The following LRRN4 variants were observed in gnomAD, a reference collection of about 807,000 sequenced individuals.
LRRN4 encodes leucine rich repeat neuronal 4, also known as leucine-rich repeat neuronal protein 4.
A neutral mutation model predicts 22.3 loss-of-function variants in LRRN4; 26 were observed. That is an observed-to-expected ratio of 1.16 (90% CI 0.85 to 1.62). The LOEUF is 1.62. Among genes scored for constraint, LRRN4 ranks in the 40% most tolerant of loss-of-function variants. The pLI is 0.00. For synonymous variants in LRRN4, 496 were observed against 486.2 expected (o/e 1.02, Z -0.26); for missense variants, 1,070 against 1,008.5 (o/e 1.06, Z -0.83).
chr20:6,040,912 T>C lies in LRRN4; in HGVS notation c.*110A>G. 2.7e-6 allele frequency: 4 copies of C among 1,464,930 alleles called. No homozygotes were observed. Among genetic ancestry groups the C allele is most frequent in the Non-Finnish European group, 1.8e-6 (2 of 1,084,192 alleles). The allele number at this position is 1,464,930 out of a possible 1,614,324, so 90.7% of individuals were successfully genotyped here. A position where few individuals can be genotyped will look rare whatever the true frequency, so the allele number is the denominator to read the frequency against. On this transcript the variant is annotated 3_prime_UTR_variant, in exon 5 of 5. Transcript: ENST00000378858. Reference sequence around the variant, plus strand: ...CCATGTGTGCTCAAGGCATTCTGGCTTCACGGGAATTAGAAACCCTAGGAG... The same window carrying C: ...CCATGTGTGCTCAAGGCATTCTGGCCTCACGGGAATTAGAAACCCTAGGAG...
At chr20:6,043,258 A>G (rs1981015928) in intron 4 of LRRN4, among the ~76,000 whole-genome samples, 1 of 151,900 alleles carries the variant, frequency 6.6e-6, no homozygotes, top group Admixed American at 6.6e-5. Flanking sequence ...AAACAAACAA[A>G]CAAAAACTTA....
rs745454824 is a variant in LRRN4 at position 6,052,579 on chromosome 20, G to A, written c.221C>T (p.Pro74Leu). Residue 74 changes from proline (P) to leucine (L), a missense_variant, in exon 2 of 5, where the codon CCG (proline) becomes CTG (leucine). Pro to Leu is a moderately conservative substitution (Grantham distance 98, BLOSUM62 -3). Coordinates refer to ENST00000378858, the MANE Select transcript of LRRN4 (RefSeq NM_152611.5). Reference protein sequence around the residue: ...RNLERLPGCLPRTLRSLDASH... With the variant: ...RNLERLPGCLLRTLRSLDASH... ...GGCGTCGAGGCTGCGCAGTGTGCGC[G>A]GTAGGCAGCCGGGCAGGCGCTCCAG... 1.0e-5 allele frequency: 16 copies of A among 1,581,994 alleles called. No individual in the cohort carries two copies. The highest frequency in any genetic ancestry group is 1.4e-5 in the Non-Finnish European group (16 of 1,172,470).
intron 1 of LRRN4, 55 bp from the exon 2 acceptor site, chr20:6,052,859 A>G: frequency 2.0e-6 from 3 of 1,476,652 alleles, no homozygotes; most frequent in South Asian, 2.6e-5. Flanking sequence ...CCGCACAAAG[A>G]GTCAGATGCG....
chr20:6,040,869 C>T lies in LRRN4; in HGVS notation c.*153G>A. 2 of 1,003,718 alleles carry T rather than the reference C, an allele frequency of 2.0e-6. No homozygotes were observed. The highest frequency in any genetic ancestry group is 2.9e-6 in the Non-Finnish European group (2 of 697,068). 62.2% of individuals were successfully genotyped at this position (1,003,718 alleles called of 1,614,324 possible). On this transcript the variant is annotated 3_prime_UTR_variant, in exon 5 of 5. Transcript: ENST00000378858. ...AGGGCAGCAGTTCCTTGGACCCAGACACTCAGTGTGGCAAGTTCCATGTGT... is the reference window on the plus strand; with the variant it reads ...AGGGCAGCAGTTCCTTGGACCCAGATACTCAGTGTGGCAAGTTCCATGTGT...
At chr20:6,042,644 G>T (rs775349822) in intron 4 of LRRN4, among the ~76,000 whole-genome samples, 3 of 152,128 alleles carry the variant, frequency 2.0e-5, no homozygotes, top group Non-Finnish European at 4.4e-5. Context: ...TACTCGGGCC[G>T]GTGCGATGGC....
At position 6,052,376 on chromosome 20, in the gene LRRN4, C is replaced by G. The variant is rs1304511074; in HGVS notation, c.424G>C (p.Gly142Arg). 4 of 1,520,646 alleles carry G rather than the reference C, an allele frequency of 2.6e-6. No individual in the cohort carries two copies. The highest frequency in any genetic ancestry group is 2.6e-6 in the Non-Finnish European group (3 of 1,143,438). The allele number at this position is 1,520,646 out of a possible 1,614,324, so 94.2% of individuals were successfully genotyped here. A position where few individuals can be genotyped will look rare whatever the true frequency, so the allele number is the denominator to read the frequency against. Residue 142 changes from glycine to arginine, a missense_variant, in exon 2 of 5, where the codon GGG (glycine) becomes CGG (arginine). Gly to Arg is a moderately radical substitution (Grantham distance 125). Coordinates refer to ENST00000378858, the MANE Select transcript of LRRN4 (RefSeq NM_152611.5). Reference protein sequence around the residue: ...NQLAALPPCTGPALSSLRALA... With the variant: ...NQLAALPPCTRPALSSLRALA... Reference sequence around the variant, plus strand: ...GCGCGGAGGCTGCTCAGCGCGGGCCCGGTGCACGGCGGCAGAGCGGCCAGC... The same window carrying G: ...GCGCGGAGGCTGCTCAGCGCGGGCCGGGTGCACGGCGGCAGAGCGGCCAGC...
chr20:6,052,447 G>T lies in LRRN4; in HGVS notation c.353C>A (p.Pro118Gln), dbSNP rs751391065. The change falls in exon 2 of 5, where the codon CCG becomes CAG. Residue 118 changes from proline to glutamine, a missense_variant. By Grantham distance (76) the Pro-to-Gln change is moderately conservative. Coordinates refer to ENST00000378858, the MANE Select transcript of LRRN4 (RefSeq NM_152611.5). ...HNRIAALRWG[P>Q]GGPAGLHTLD... ...GGTGTGCAGCCCCGCCGGCCCACCC[G>T]GGCCCCAGCGCAGCGCGGCGATGCG... is the stretch of plus-strand genomic sequence containing the variant. The T allele has an allele frequency of 1.1e-5, 17 of 1,552,616 alleles. No individual in the cohort carries two copies. The highest frequency in any genetic ancestry group is 2.0e-4 in the Middle Eastern group (1 of 5,072).
rs774527940 is a variant in LRRN4 at position 6,052,352 on chromosome 20, C to T, written c.448G>A (p.Ala150Thr). The T allele has an allele frequency of 1.3e-6, 2 of 1,508,620 alleles. No homozygotes were observed. Among genetic ancestry groups the T allele is most frequent in the Admixed American group, 2.1e-5 (1 of 46,546 alleles). The allele number at this position is 1,508,620 out of a possible 1,614,324, so 93.5% of individuals were successfully genotyped here. ...CTGPALSSLR[A>T]LALAGNPLRA... ...AGCGGATTCCCGGCGAGCGCCAGGG[C>T]GCGGAGGCTGCTCAGCGCGGGCCCG... is the stretch of plus-strand genomic sequence containing the variant. Residue 150 changes from alanine to threonine, a missense_variant, in exon 2 of 5, where the codon GCC becomes ACC. Transcript: ENST00000378858.
rs202048241 is a variant in LRRN4 at position 6,042,067 on chromosome 20, G to T, written c.1178C>A (p.Ala393Glu). The stretch of plus-strand genomic sequence containing the variant: ...TCCCGCAGGCCGGGTGGCGGGGGCT[G>T]CGCTGGGCGCGACGGTGGTACCCTG... ...YAQGTTVAPS[A>E]APATRPAGDQ... Residue 393 changes from alanine to glutamate, a missense_variant, in exon 5 of 5, where the codon GCA becomes GAA. By Grantham distance (107) the Ala-to-Glu change is moderately radical. Coordinates refer to ENST00000378858, the MANE Select transcript of LRRN4 (RefSeq NM_152611.5). 39 of 1,613,944 alleles carry T rather than the reference G, an allele frequency of 2.4e-5. No homozygotes were observed. The highest frequency in any genetic ancestry group is 3.1e-5 in the Non-Finnish European group (37 of 1,179,970).
In LRRN4 at chr20:6,041,893, C is replaced by A; in HGVS notation, c.1352G>T (p.Ser451Ile). ...TCCTCGGTGCTGGGTCCTGGTGGTG[C>A]TGGCAGCCCTGGGGAAAACGCTGGA... Reference protein sequence around the residue: ...SNSSVFPRAASTTRTQHRGEH... With the variant: ...SNSSVFPRAAITTRTQHRGEH... The change falls in exon 5 of 5, where the codon AGC (serine) becomes ATC (isoleucine). Residue 451 changes from serine (S) to isoleucine (I), a missense_variant. Transcript: ENST00000378858. This position sits in a 1 kb window ranked among gnomAD's most constrained non-coding sequence, Gnocchi z 9.4. 6.2e-7 allele frequency: 1 copy of A among 1,614,154 alleles called. No homozygotes were observed. The highest frequency in any genetic ancestry group is 8.5e-7 in the Non-Finnish European group (1 of 1,180,022).
intron 3 of LRRN4, among the ~76,000 whole-genome samples, chr20:6,047,847 T>A (rs1381805412): frequency 6.7e-6 from 1 of 150,350 alleles, no homozygotes; most frequent in Non-Finnish European, 1.5e-5. Context: ...GGGCCCATAA[T>A]ATAAATGAAA....
Position 6,052,609 on chromosome 20 carries a change from C to A in LRRN4, c.191G>T (p.Arg64Leu). 1.3e-6 allele frequency: 2 copies of A among 1,587,548 alleles called. No individual in the cohort carries two copies. Among genetic ancestry groups the A allele is most frequent in the Non-Finnish European group, 1.7e-6 (2 of 1,174,550 alleles). ...GCAGCCGGGCAGGCGCTCCAGGTTG[C>A]GGTTCGCCAGGGTCAAGGCCGTCGC... is the stretch of plus-strand genomic sequence containing the variant. ...ADATALTLAN[R>L]NLERLPGCLP... Residue 64 changes from arginine to leucine, a missense_variant, in exon 2 of 5, where the codon CGC (arginine) becomes CTC (leucine). Coordinates refer to ENST00000378858, the MANE Select transcript of LRRN4 (RefSeq NM_152611.5).
Position 6,052,312 on chromosome 20 carries a change from G to A in LRRN4, c.488C>T (p.Pro163Leu), listed in dbSNP as rs1981270558. 1 of 1,521,684 alleles carries A rather than the reference G, an allele frequency of 6.6e-7. No homozygotes were observed. The highest frequency in any genetic ancestry group is 8.8e-7 in the Non-Finnish European group (1 of 1,140,070). 94.3% of individuals were successfully genotyped at this position (1,521,684 alleles called of 1,614,324 possible). A position where few individuals can be genotyped will look rare whatever the true frequency, so the allele number is the denominator to read the frequency against. The change falls in exon 2 of 5, where the codon CCC (proline) becomes CTC (leucine). Residue 163 changes from proline (P) to leucine (L), a missense_variant. Transcript: ENST00000378858. ...CGCGGGGAAGCAGGCGAAGGCCCGG[G>A]GCTGCAGCGCCCGCAGCGGATTCCC... The part of the protein sequence containing the change: ...LAGNPLRALQ[P>L]RAFACFPALQ...
chr20:6,051,377 C>T (rs1175262598), intron 2 of LRRN4, among the ~76,000 whole-genome samples: 2 of 152,282 alleles, frequency 1.3e-5, no homozygotes, highest in East Asian at 1.9e-4. Flanking sequence ...GGAACTTCTG[C>T]GGAACGTAAT....
At position 6,052,305 on chromosome 20, in the gene LRRN4, G is replaced by GGCCCGGGGCTGCAGC. The variant is rs1267973145; in HGVS notation, c.480_494dup (p.Leu161_Ala165dup). ...GCTGCAGCGCGGGGAAGCAGGCGAA[G>GGCCCGGGGCTGCAGC]GCCCGGGGCTGCAGCGCCCGCAGCG... On this transcript the variant is annotated inframe_insertion, in exon 2 of 5. Coordinates refer to ENST00000378858, the MANE Select transcript of LRRN4 (RefSeq NM_152611.5). 2.0e-6 allele frequency: 3 copies of GGCCCGGGGCTGCAGC among 1,529,712 alleles called. No homozygotes were observed. The East Asian group carries it at 7.7e-5, about 39-fold the overall frequency. The allele number at this position is 1,529,712 out of a possible 1,614,324, so 94.8% of individuals were successfully genotyped here. A position where few individuals can be genotyped will look rare whatever the true frequency, so the allele number is the denominator to read the frequency against.
At chr20:6,048,827 A>G (rs1981173370) in intron 3 of LRRN4, among the ~76,000 whole-genome samples, 1 of 152,288 alleles carries the variant, frequency 6.6e-6, no homozygotes, top group East Asian at 1.9e-4. Flanking sequence ...AGGAGGACGC[A>G]TTAGGCTTTA....
intron 1 of LRRN4, 74 bp from the exon 2 acceptor site, chr20:6,052,878 C>A: frequency 7.1e-7 from 1 of 1,413,076 alleles, no homozygotes; most frequent in Non-Finnish European, 9.5e-7. Flanking sequence ...CGCGTCCCAA[C>A]CCTACCTCCA....
chr20:6,040,931 C>G lies in LRRN4; in HGVS notation c.*91G>C, dbSNP rs896271397. ...TCTGGCTTCACGGGAATTAGAAACC[C>G]TAGGAGCGGATGGGGTCGTTTTTGA... On this transcript the variant is annotated 3_prime_UTR_variant, in exon 5 of 5. Transcript: ENST00000378858. The G allele has an allele frequency of 5.2e-6, 8 of 1,541,856 alleles. No individual in the cohort carries two copies. Among genetic ancestry groups the G allele is most frequent in the Non-Finnish European group, 7.0e-6 (8 of 1,140,062 alleles).
intron 4 of LRRN4, among the ~76,000 whole-genome samples, chr20:6,042,627 A>G (rs1980997122): frequency 6.6e-6 from 1 of 152,138 alleles, no homozygotes; most frequent in African/African-American, 2.4e-5. Flanking sequence ...ACTAGTAATA[A>G]AAATCATACT....
Sources: gnomAD v4.1 joint callset for allele counts (sites outside exome capture counted in the v4.1 genomes callset) on GRCh38, gnomAD v4.1.1 for gene constraint, Gnocchi (gnomAD v3.1) non-coding constraint, MANE v1.5 for transcripts, NCBI Gene and HGNC (gene_info 2026-07-23, HGNC 2026-07-21) for gene names.